CERKL: variants seen among roughly 807,000 people sequenced by gnomAD.
CERKL encodes the protein ceramide kinase-like protein.
A neutral mutation model predicts 63.4 loss-of-function variants in CERKL; 61 were observed. The ratio of observed to expected loss-of-function variants is 0.96; its 90% CI spans 0.78 to 1.19. The LOEUF (loss-of-function observed/expected upper bound fraction) is 1.19, where lower values mean the gene tolerates loss of function less well. Ranked by LOEUF, CERKL falls within the 50% of genes most tolerant of loss-of-function variation. The probability of loss-of-function intolerance (pLI) is 0.00; values close to 1 mark genes in which losing one functional copy is unlikely to be tolerated. For synonymous variants in CERKL, 250 were observed against 230.5 expected, an observed-to-expected ratio of 1.08 and a Z score of -0.77; for missense variants, 675 against 655.5, an observed-to-expected ratio of 1.03 and a Z score of -0.33.
chr2:181,620,896 T>C (rs574377386), intron 1 of CERKL, among the ~76,000 whole-genome samples: 293 of 152,352 alleles, frequency 1.9e-3, no homozygotes, highest in African/African-American at 6.8e-3. Flanking sequence ...CTTTATTTAT[T>C]CATATGATGA....
At chr2:181,650,549 G>A (rs897399491) in intron 1 of CERKL, among the ~76,000 whole-genome samples, 6 of 151,998 alleles carry the variant, frequency 3.9e-5, no homozygotes, top group East Asian at 1.9e-4. Context: ...ACCTGAGGTC[G>A]GGAGTTCGAG....
At chr2:181,656,573 G>A (rs763635342) in intron 1 of CERKL, among the ~76,000 whole-genome samples, 196 bp downstream of exon 1, 1 of 152,092 alleles carries the variant, frequency 6.6e-6, no homozygotes, top group Non-Finnish European at 1.5e-5. Flanking sequence ...GATGGGGCGA[G>A]AGGCGTGAGT....
At chr2:181,643,401 T>C (rs1010002184) in intron 1 of CERKL, among the ~76,000 whole-genome samples, 1 of 152,192 alleles carries the variant, frequency 6.6e-6, no homozygotes. Context: ...ACACCACAGA[T>C]GGGAGCAGAT....
At chr2:181,625,773 A>G (rs1301750826) in intron 1 of CERKL, among the ~76,000 whole-genome samples, 2 of 152,234 alleles carry the variant, frequency 1.3e-5, no homozygotes, top group Non-Finnish European at 1.5e-5. Context: ...CATTCATTCA[A>G]CGAATATTTG....
At chr2:181,557,682 C>T (rs1370533506) in intron 5 of CERKL, among the ~76,000 whole-genome samples, 1 of 152,132 alleles carries the variant, frequency 6.6e-6, no homozygotes, top group African/African-American at 2.4e-5. Context: ...TGCCCCCTTG[C>T]TCTGAAACAT....
At chr2:181,629,683 A>G (rs1330804789) in intron 1 of CERKL, among the ~76,000 whole-genome samples, 5 of 152,040 alleles carry the variant, frequency 3.3e-5, no homozygotes, top group African/African-American at 1.2e-4. Context: ...AAACTTTAGA[A>G]CAAGCAAATT....
chr2:181,595,891 T>C (rs1445858507), intron 2 of CERKL, among the ~76,000 whole-genome samples: 3 of 152,182 alleles, frequency 2.0e-5, no homozygotes, highest in Non-Finnish European at 4.4e-5. Flanking sequence ...AGATAATTCA[T>C]AAAAGTTGCT....
chr2:181,557,162 T>G (rs1185470191), intron 5 of CERKL, among the ~76,000 whole-genome samples: 1 of 152,216 alleles, frequency 6.6e-6, no homozygotes, highest in African/African-American at 2.4e-5. Context: ...ATGAGTAGAT[T>G]GCAAAAATTT....
At chr2:181,564,746 C>T (rs960274648) in intron 4 of CERKL, among the ~76,000 whole-genome samples, 2 of 152,134 alleles carry the variant, frequency 1.3e-5, no homozygotes, top group Admixed American at 6.6e-5. Context: ...TACTCATTTG[C>T]AATGCAGCTA....
At chr2:181,592,839 C>T (rs947339121) in intron 2 of CERKL, among the ~76,000 whole-genome samples, 1 of 152,044 alleles carries the variant, frequency 6.6e-6, no homozygotes, top group Admixed American at 6.6e-5. Flanking sequence ...CAGTACATTC[C>T]ATGACACACC....
At chr2:181,613,470 C>A (rs1363062468) in intron 1 of CERKL, among the ~76,000 whole-genome samples, 2 of 152,298 alleles carry the variant, frequency 1.3e-5, no homozygotes, top group South Asian at 4.1e-4. Flanking sequence ...AGCAGTATTT[C>A]CTGCTTTTCC....
At position 181,539,120 on chromosome 2, in the gene CERKL, T is replaced by C. The variant is rs974682495; in HGVS notation, c.1510A>G (p.Met504Val). ...CFPWNVDGDLMEVASEVHIRL... is the reference protein window; with the variant it reads ...CFPWNVDGDLVEVASEVHIRL... ...ATATGGACCTCTGATGCAACTTCCA[T>C]TAAGTCACCATCTACATTCCAAGGG... Residue 504 changes from methionine to valine, a missense_variant, in exon 12 of 13, where the codon ATG becomes GTG. By Grantham distance (21) the Met-to-Val change is conservative. Coordinates refer to ENST00000410087, the MANE Select transcript of CERKL (RefSeq NM_201548.5). 2 of 1,607,688 alleles carry C rather than the reference T, an allele frequency of 1.2e-6. No homozygotes were observed. The highest frequency in any genetic ancestry group is 2.7e-5 in the African/African-American group (2 of 74,764).
At chr2:181,549,976 C>A (rs749211976) in intron 5 of CERKL, among the ~76,000 whole-genome samples, 1 of 152,036 alleles carries the variant, frequency 6.6e-6, no homozygotes, top group Non-Finnish European at 1.5e-5. Context: ...CTTTTTTGAT[C>A]ACGAATGTCT....
intron 2 of CERKL, among the ~76,000 whole-genome samples, chr2:181,582,132 A>G (rs1285609980): frequency 6.6e-6 from 1 of 152,212 alleles, no homozygotes; most frequent in African/African-American, 2.4e-5. Flanking sequence ...CACTGTCCAT[A>G]CACTGATAAA....
intron 3 of CERKL, among the ~76,000 whole-genome samples, chr2:181,567,148 G>A (rs924917901): frequency 6.6e-6 from 1 of 151,996 alleles, no homozygotes; most frequent in East Asian, 1.9e-4. Flanking sequence ...ACACTCACAT[G>A]AATAAAACCT....
chr2:181,587,235 A>T (rs2105869716), intron 2 of CERKL, among the ~76,000 whole-genome samples: 1 of 152,326 alleles, frequency 6.6e-6, no homozygotes, highest in South Asian at 2.1e-4. Flanking sequence ...AAGTCAAAGT[A>T]AAAACAAAGC....
At chr2:181,574,189 C>G (rs996447561) in intron 2 of CERKL, among the ~76,000 whole-genome samples, 3 of 152,044 alleles carry the variant, frequency 2.0e-5, no homozygotes, top group Non-Finnish European at 4.4e-5. Flanking sequence ...GTGTATTTAC[C>G]AAACCACAAT....
chr2:181,540,187 G>A (rs1687436223), intron 11 of CERKL, among the ~76,000 whole-genome samples: 1 of 152,146 alleles, frequency 6.6e-6, no homozygotes, highest in African/African-American at 2.4e-5. Context: ...ATGATATGAT[G>A]GCATCAGCTG....
At chr2:181,637,902 A>G (rs1287645798) in intron 1 of CERKL, among the ~76,000 whole-genome samples, 2 of 151,876 alleles carry the variant, frequency 1.3e-5, no homozygotes, top group Non-Finnish European at 2.9e-5. Context: ...AGTAGTGTAC[A>G]CTCTATGAAC....
Sources: allele counts gnomAD v4.1 joint callset (sites outside exome capture counted in the v4.1 genomes callset), GRCh38; gene constraint gnomAD v4.1.1; transcripts MANE v1.5; gene names NCBI Gene and HGNC (gene_info 2026-07-23, HGNC 2026-07-21).